CPLANE1: variants seen among roughly 807,000 people sequenced by gnomAD.
CPLANE1 encodes ciliogenesis and planar polarity effector complex subunit 1, also known as ciliogenesis and planar polarity effector 1.
CPLANE1 carries 263 observed loss-of-function variants against 362.5 expected under a neutral mutation model. That is an observed-to-expected ratio of 0.73 (90% CI 0.66 to 0.80). The LOEUF is 0.80. Ranked by LOEUF, CPLANE1 falls within the 30% of genes least tolerant of loss-of-function variation. The pLI is 0.00. For missense variants in CPLANE1, 3,461 were observed against 3,793.4 expected (o/e 0.91, Z 2.30); for synonymous variants, 1,212 against 1,302.6 (o/e 0.93, Z 1.50).
At chr5:37,133,271 T>C (rs1266369797) in intron 46 of CPLANE1, among the ~76,000 whole-genome samples, 2 of 152,220 alleles carry the variant, frequency 1.3e-5, no homozygotes, top group Admixed American at 6.5e-5. Context: ...TTTGGTTCCA[T>C]ATGAATTTTA....
chr5:37,129,592 A>G (rs1765188807), intron 46 of CPLANE1, among the ~76,000 whole-genome samples: 1 of 152,212 alleles, frequency 6.6e-6, no homozygotes. Context: ...TTAAGGCATG[A>G]CAAGACAATT....
At position 37,198,815 on chromosome 5, in the gene CPLANE1, C is replaced by A; in HGVS notation, c.3559G>T (p.Val1187Leu). 1 of 1,614,074 alleles carries A rather than the reference C, an allele frequency of 6.2e-7. No individual in the cohort carries two copies. Among genetic ancestry groups the A allele is most frequent in the Non-Finnish European group, 8.5e-7 (1 of 1,179,980 alleles). The change falls in exon 20 of 53, where the codon GTA (valine) becomes TTA (leucine). Residue 1187 changes from valine to leucine, a missense_variant. Coordinates refer to ENST00000651892, the MANE Select transcript of CPLANE1 (RefSeq NM_001384732.1). Reference sequence around the variant, plus strand: ...AGAACACGCTGAAGGATTCCAGATACCTTCTGGCGATTATTTTTTTCAGCT... The same window carrying A: ...AGAACACGCTGAAGGATTCCAGATAACTTCTGGCGATTATTTTTTTCAGCT... Reference protein sequence around the residue: ...LKAEKNNRQKVSGILQRVLLL... With the variant: ...LKAEKNNRQKLSGILQRVLLL...
intron 47 of CPLANE1, among the ~76,000 whole-genome samples, chr5:37,123,851 T>A (rs1763382843): frequency 6.6e-6 from 1 of 151,836 alleles, no homozygotes; most frequent in Admixed American, 6.6e-5. Flanking sequence ...TGGACACAAT[T>A]CTAACAATCT....
At chr5:37,126,169 G>A (rs1287926503) in intron 46 of CPLANE1, among the ~76,000 whole-genome samples, 2 of 152,202 alleles carry the variant, frequency 1.3e-5, no homozygotes, top group African/African-American at 4.8e-5. Flanking sequence ...AGCCTGGGAG[G>A]TCGAAGCTGC....
intron 43 of CPLANE1, among the ~76,000 whole-genome samples, chr5:37,145,163 G>T (rs949772906): frequency 6.6e-6 from 1 of 152,014 alleles, no homozygotes; most frequent in African/African-American, 2.4e-5. Context: ...AAATTAGCTG[G>T]GTGTGGTGGT....
chr5:37,085,579 A>G, the CPLANE1 span: 1 of 852,256 alleles, frequency 1.2e-6, no homozygotes, highest in Non-Finnish European at 2.1e-6. Context: ...ATCAAGTTCA[A>G]CACTGGTACA....
downstream of CPLANE1, among the ~76,000 whole-genome samples, chr5:37,101,339 C>A (rs914024327): frequency 1.3e-5 from 2 of 152,036 alleles, no homozygotes; most frequent in African/African-American, 4.8e-5. Context: ...TTATCAAAGG[C>A]CTTTTCTGTG....
chr5:37,094,113 C>T, the CPLANE1 span, among the ~76,000 whole-genome samples: 1,105 of 152,212 alleles, frequency 7.3e-3, 15 homozygotes, highest in African/African-American at 0.025. Context: ...TGAATAAATG[C>T]CAGGAGGGCC....
Position 37,121,709 on chromosome 5 carries a change from T to C in CPLANE1, c.9093A>G (p.Ser3031=), listed in dbSNP as rs141014620. 2.2e-3 allele frequency: 3,482 copies of C among 1,613,680 alleles called. 9 individuals carry two copies. The highest frequency in any genetic ancestry group is 2.5e-3 in the Non-Finnish European group (2,919 of 1,179,524). Residue 3031 remains serine, a synonymous_variant, in exon 49 of 53, where the codon TCA becomes TCG. Coordinates refer to ENST00000651892, the MANE Select transcript of CPLANE1 (RefSeq NM_001384732.1). ...TCTGTGGTAGAGTTGGTAGCTGTAC[T>C]GACTCAGATAACAGTTCATTCATCA... ...YGLMNELLSE[S]VQLPTLPQKP...
intron 51 of CPLANE1, among the ~76,000 whole-genome samples, chr5:37,111,812 A>C (rs1759425526): frequency 6.6e-6 from 1 of 152,218 alleles, no homozygotes; most frequent in African/African-American, 2.4e-5. Context: ...AATATTAATA[A>C]GGAACAAATT....
the CPLANE1 span, among the ~76,000 whole-genome samples, chr5:37,088,119 G>A: frequency 6.6e-6 from 1 of 152,210 alleles, no homozygotes; most frequent in African/African-American, 2.4e-5. Flanking sequence ...TCCCAAAAGT[G>A]GAGTTCAACA....
At chr5:37,161,814 A>G (rs1328070302) in intron 38 of CPLANE1, among the ~76,000 whole-genome samples, 14 of 152,248 alleles carry the variant, frequency 9.2e-5, no homozygotes, top group Admixed American at 9.2e-4. Flanking sequence ...CATCTTCTTC[A>G]TAGATTGCTA....
intron 5 of CPLANE1, 147 bp from the exon 6 acceptor site, chr5:37,243,266 A>G (rs1044336124): frequency 7.4e-6 from 4 of 539,218 alleles, no homozygotes; most frequent in Non-Finnish European, 1.2e-5. Context: ...TAAGCTTAAG[A>G]CTAAGTAATT....
intron 32 of CPLANE1, 38 bp from the exon 33 acceptor site, chr5:37,170,369 A>G: frequency 6.4e-7 from 1 of 1,561,864 alleles, no homozygotes; most frequent in Admixed American, 1.8e-5. Flanking sequence ...ATCTTAAAAT[A>G]TAACAAAAAG....
At chr5:37,165,333 T>C (rs1338747745) in intron 36 of CPLANE1, among the ~76,000 whole-genome samples, 3 of 152,182 alleles carry the variant, frequency 2.0e-5, no homozygotes, top group East Asian at 1.9e-4. Flanking sequence ...CAGTTTTTCA[T>C]GTACCATCAA....
At position 37,226,875 on chromosome 5, in the gene CPLANE1, T is replaced by C. The variant is rs1796578776; in HGVS notation, c.1720A>G (p.Lys574Glu). The C allele has an allele frequency of 6.4e-7, 1 of 1,551,420 alleles. No homozygotes were observed. Among genetic ancestry groups the C allele is most frequent in the Non-Finnish European group, 8.7e-7 (1 of 1,146,906 alleles). Residue 574 changes from lysine to glutamate, a missense_variant, in exon 12 of 53, where the codon AAA becomes GAA. Lys to Glu is a moderately conservative substitution (Grantham distance 56, BLOSUM62 1). Coordinates refer to ENST00000651892, the MANE Select transcript of CPLANE1 (RefSeq NM_001384732.1). ...RTITELHSIQ[K>E]SLLAAWTIGI... ...ATAGTCCACGCTGCAAGTAGACTTT[T>C]CTGGATAGAATGCAGTTCTGTAATG...
intron 6 of CPLANE1, among the ~76,000 whole-genome samples, chr5:37,240,494 C>G (rs1800138397): frequency 6.6e-6 from 1 of 152,112 alleles, no homozygotes; most frequent in South Asian, 2.1e-4. Context: ...AAATGGGGAG[C>G]AGCATTTTCC....
chr5:37,188,417 G>A (rs933278520), intron 21 of CPLANE1, among the ~76,000 whole-genome samples: 15 of 152,160 alleles, frequency 9.9e-5, no homozygotes, highest in African/African-American at 2.2e-4. Flanking sequence ...CCTTTTCAAC[G>A]GGGTGGTGTA....
chr5:37,181,216 A>G (rs1782580407), intron 26 of CPLANE1, among the ~76,000 whole-genome samples: 1 of 152,198 alleles, frequency 6.6e-6, no homozygotes, highest in South Asian at 2.1e-4. Flanking sequence ...CTACCTAAAT[A>G]GTATTCAAAA....
Sources: gnomAD v4.1 joint callset for allele counts (sites outside exome capture counted in the v4.1 genomes callset) on GRCh38, gnomAD v4.1.1 for gene constraint, MANE v1.5 for transcripts, NCBI Gene and HGNC (gene_info 2026-07-23, HGNC 2026-07-21) for gene names.